SMIM14: variants seen among roughly 807,000 people sequenced by gnomAD.
SMIM14 encodes chromosome 4 open reading frame 34.
In SMIM14, 5 loss-of-function variants were observed where a neutral mutation model predicts 12.6. The ratio of observed to expected loss-of-function variants is 0.40; its 90% CI spans 0.21 to 0.83. SMIM14 has a LOEUF of 0.83. Among genes scored for constraint, SMIM14 ranks in the 40% least tolerant of loss-of-function variants. The pLI is 0.37. For synonymous variants in SMIM14, 30 were observed against 40.1 expected (o/e 0.75, Z 0.95); for missense variants, 86 against 119.1 (o/e 0.72, Z 1.29).
chr4:39,604,955 T>G (rs1305399703), intron 2 of SMIM14, 116 bp downstream of exon 2: 3 of 682,526 alleles, frequency 4.4e-6, no homozygotes, highest in Non-Finnish European at 7.5e-6. Context: ...ATTTCAATTA[T>G]GAAATACTCT....
At chr4:39,590,482 G>GT (rs1176774970) in intron 2 of SMIM14, among the ~76,000 whole-genome samples, 8 of 151,152 alleles carry the variant, frequency 5.3e-5, no homozygotes, top group African/African-American at 1.9e-4. Context: ...ACATATACTA[G>GT]TATTCTACTA....
intron 1 of SMIM14, chr4:39,611,968 G>C (rs139111499): frequency 6.6e-6 from 1 of 152,176 alleles, no homozygotes; most frequent in African/African-American, 2.4e-5. Context: ...CTGCTTGCCT[G>C]AGCTAAGGGG....
intron 2 of SMIM14, among the ~76,000 whole-genome samples, chr4:39,601,841 G>C (rs1169714923): frequency 6.6e-6 from 1 of 151,776 alleles, no homozygotes; most frequent in African/African-American, 2.4e-5. Context: ...TAGCTACCTG[G>C]GAGGCTAAAG....
chr4:39,631,331 CAAAA>C (rs34691180), intron 1 of SMIM14, among the ~76,000 whole-genome samples: 6 of 133,344 alleles, frequency 4.5e-5, no homozygotes, highest in Non-Finnish European at 3.2e-5. Flanking sequence ...GACTCCATCT[CAAAA>C]AAAAAAAAAA....
chr4:39,565,699 G>A (rs1205831625), intron 3 of SMIM14, among the ~76,000 whole-genome samples: 1 of 152,076 alleles, frequency 6.6e-6, no homozygotes, highest in Non-Finnish European at 1.5e-5. Context: ...GTTGTGTTTT[G>A]AAAAACGAGA....
At chr4:39,582,529 T>C (rs1713564473) in intron 2 of SMIM14, among the ~76,000 whole-genome samples, 1 of 151,678 alleles carries the variant, frequency 6.6e-6, no homozygotes, top group South Asian at 2.1e-4. Flanking sequence ...CTGGGTGTGG[T>C]GGTGCACGGC....
chr4:39,588,399 G>T lies in SMIM14; in HGVS notation c.76-15936C>A, dbSNP rs992991020. ...TCTATTCTAAATAAATAAATAAAAC[G>T]TAACTATACATCCTAAATACACAGT... On this transcript the variant is annotated intron_variant, in intron 2 of 4. Coordinates refer to ENST00000295958, the MANE Select transcript of SMIM14 (RefSeq NM_174921.3). Among the ~76,000 whole-genome samples the T allele has an allele frequency of 3.9e-5, 6 of 151,936 alleles. No homozygotes were observed. In the South Asian group the frequency reaches 1.2e-3, roughly 31 times the overall value.
chr4:39,560,455 T>A (rs948307558), intron 3 of SMIM14, among the ~76,000 whole-genome samples: 1 of 152,038 alleles, frequency 6.6e-6, no homozygotes, highest in Non-Finnish European at 1.5e-5. Context: ...ATTACAGGCA[T>A]GAGCCACCGC....
chr4:39,606,417 T>G (rs1285150897), intron 1 of SMIM14, among the ~76,000 whole-genome samples: 1 of 149,294 alleles, frequency 6.7e-6, no homozygotes, highest in African/African-American at 2.5e-5. Context: ...CCGAGGTGGG[T>G]GGATCACAAG....
Position 39,626,205 on chromosome 4 carries a change from C to T in SMIM14, c.-36+12534G>A, listed in dbSNP as rs1578369008. On this transcript the variant is annotated intron_variant, in intron 1 of 4. Transcript: ENST00000295958. ...CTTCATCCCAAAACCATTCTCCCCA[C>T]GCCCCCCACCCCTGCCCCAGCCCAC... Among the ~76,000 whole-genome samples, 4 of 152,240 alleles carry T rather than the reference C, an allele frequency of 2.6e-5. No individual in the cohort carries two copies. The South Asian group carries it at 8.3e-4, about 32-fold the overall frequency.
At chr4:39,635,050 C>A (rs1014640715) in intron 1 of SMIM14, among the ~76,000 whole-genome samples, 2 of 152,072 alleles carry the variant, frequency 1.3e-5, no homozygotes, top group Non-Finnish European at 2.9e-5. Context: ...AAATAAAATA[C>A]AAGGGAGAGA....
intron 1 of SMIM14, among the ~76,000 whole-genome samples, chr4:39,621,624 C>T (rs1715491543): frequency 6.6e-6 from 1 of 150,404 alleles, no homozygotes; most frequent in African/African-American, 2.4e-5. Context: ...TCTAAATATC[C>T]AGCTAAAAAG....
rs548956057 is a variant in SMIM14, at chr4:39,637,731, G to T, written c.-36+1008C>A. On this transcript the variant is annotated intron_variant, in intron 1 of 4. Transcript: ENST00000295958. ...GCGGCCAGCCACCCTAAGTGGAAGG[G>T]AATGCAAAGCCTCCTGCAACCTCCA... 2.0e-5 allele frequency among the ~76,000 whole-genome samples: 3 copies of T among 152,320 alleles called. No individual in the cohort carries two copies. The South Asian group carries it at 6.2e-4, about 32-fold the overall frequency.
chr4:39,601,814 G>A (rs547373835), intron 2 of SMIM14, among the ~76,000 whole-genome samples: 1 of 152,094 alleles, frequency 6.6e-6, no homozygotes, highest in South Asian at 2.1e-4. Context: ...GGGCATGGTG[G>A]TGCATGCCTG....
intron 3 of SMIM14, among the ~76,000 whole-genome samples, chr4:39,559,962 A>G (rs944139019): frequency 9.0e-5 from 6 of 67,000 alleles, no homozygotes; most frequent in African/African-American, 1.4e-4. Context: ...ACAAAAAATT[A>G]AAAAAAAAAA....
rs58748053 is a variant in SMIM14 at position 39,637,599 on chromosome 4, G to GA, written c.-36+1139dup. 7.8e-4 allele frequency among the ~76,000 whole-genome samples: 110 copies of GA among 140,134 alleles called. 1 individual carries two copies. Among genetic ancestry groups the GA allele is most frequent in the Middle Eastern group, 3.5e-3 (1 of 282 alleles). The allele number at this position is 140,134 out of a possible 152,430, so 91.9% of individuals were successfully genotyped here. A position where few individuals can be genotyped will look rare whatever the true frequency, so the allele number is the denominator to read the frequency against. The stretch of plus-strand genomic sequence containing the variant: ...AGCGGTGTTCTTAAACACCACGTTG[G>GA]AAAAAAAAAAAAAGTTAGGACAAAA... On this transcript the variant is annotated intron_variant, in intron 1 of 4. Coordinates refer to ENST00000295958, the MANE Select transcript of SMIM14 (RefSeq NM_174921.3).
chr4:39,598,858 G>GC (rs1272394183), intron 2 of SMIM14, among the ~76,000 whole-genome samples: 1 of 130,666 alleles, frequency 7.7e-6, no homozygotes, highest in East Asian at 2.1e-4. Context: ...CCCATCCACC[G>GC]CCCCCCTGCA....
intron 1 of SMIM14, among the ~76,000 whole-genome samples, chr4:39,630,513 G>A (rs549046938): frequency 3.5e-4 from 54 of 152,184 alleles, no homozygotes; most frequent in African/African-American, 1.2e-3. Context: ...ACAAAGATGC[G>A]CATAAACATC....
At position 39,618,649 on chromosome 4, in the gene SMIM14, C is replaced by CAA. The variant is rs34837742; in HGVS notation, c.-35-13471_-35-13470dup. 7.6e-3 allele frequency among the ~76,000 whole-genome samples: 694 copies of CAA among 91,326 alleles called. 10 individuals carry two copies. The highest frequency in any genetic ancestry group is 0.011 in the Middle Eastern group (2 of 178). The allele number at this position is 91,326 out of a possible 152,430, so 59.9% of individuals were successfully genotyped here. A position where few individuals can be genotyped will look rare whatever the true frequency, so the allele number is the denominator to read the frequency against. ...TGGGCGACAGAGCGAGACTCCATCT[C>CAA]AAAAAAAAAAAAAAACAAAAAAAAA... On this transcript the variant is annotated intron_variant, in intron 1 of 4. Coordinates refer to ENST00000295958, the MANE Select transcript of SMIM14 (RefSeq NM_174921.3).
Sources: allele counts gnomAD v4.1 joint callset (sites outside exome capture counted in the v4.1 genomes callset), GRCh38; gene constraint gnomAD v4.1.1; transcripts MANE v1.5; gene names NCBI Gene and HGNC (gene_info 2026-07-23, HGNC 2026-07-21).